Variants in ATP8A2 observed in about 807,000 individuals in gnomAD.
ATP8A2 encodes phospholipid-transporting ATPase IB.
Under a neutral mutation model 165.6 loss-of-function variants are expected in ATP8A2, and 100 were observed. The ratio of observed to expected loss-of-function variants is 0.60; its 90% CI spans 0.51 to 0.71. The LOEUF is 0.71. Among genes scored for constraint, ATP8A2 ranks in the 30% least tolerant of loss-of-function variants. The probability of loss-of-function intolerance (pLI) is 0.00; values close to 1 mark genes in which losing one functional copy is unlikely to be tolerated. For synonymous variants in ATP8A2, 543 were observed against 548.8 expected, an observed-to-expected ratio of 0.99 and a Z score of 0.15; for missense variants, 1,227 against 1,479.5, an observed-to-expected ratio of 0.83 and a Z score of 2.80.
intron 34 of ATP8A2, among the ~76,000 whole-genome samples, chr13:25,962,773 CAG>C (rs1955687265): frequency 6.6e-6 from 1 of 152,174 alleles, no homozygotes; most frequent in African/African-American, 2.4e-5. Context: ...CTCCCACACT[CAG>C]AATTTTTCTT....
intron 33 of ATP8A2, among the ~76,000 whole-genome samples, chr13:25,867,119 A>G (rs1304443079): frequency 6.7e-6 from 1 of 149,550 alleles, no homozygotes; most frequent in African/African-American, 2.5e-5. Context: ...GACTCCAGCC[A>G]GTTTCTGGAC....
chr13:25,645,092 T>C (rs1423829614), intron 24 of ATP8A2, among the ~76,000 whole-genome samples: 2 of 152,196 alleles, frequency 1.3e-5, no homozygotes, highest in African/African-American at 4.8e-5. Flanking sequence ...ATGCTGTTGA[T>C]AAAGCACACC....
chr13:25,422,553 A>C (rs1253678607), intron 1 of ATP8A2, among the ~76,000 whole-genome samples: 2 of 152,238 alleles, frequency 1.3e-5, no homozygotes, highest in South Asian at 4.1e-4. Flanking sequence ...ATATATTGTC[A>C]TAAGAAACTC....
At chr13:25,736,144 A>T (rs1184650546) in intron 25 of ATP8A2, among the ~76,000 whole-genome samples, 1 of 152,212 alleles carries the variant, frequency 6.6e-6, no homozygotes, top group Non-Finnish European at 1.5e-5. Context: ...GGTGTGTAGT[A>T]GGTTATACCA....
intron 33 of ATP8A2, among the ~76,000 whole-genome samples, chr13:25,952,761 C>T (rs1446696722): frequency 2.6e-5 from 4 of 152,158 alleles, no homozygotes; most frequent in Non-Finnish European, 4.4e-5. Flanking sequence ...TGGGTGAGCT[C>T]AGCACACCTG....
intron 4 of ATP8A2, among the ~76,000 whole-genome samples, chr13:25,531,740 C>T (rs1030898008): frequency 4.6e-5 from 7 of 152,074 alleles, no homozygotes; most frequent in African/African-American, 1.7e-4. Flanking sequence ...ATTATAAACA[C>T]TGTATGAAGT....
chr13:25,525,485 ATG>A (rs1593460010), intron 2 of ATP8A2, among the ~76,000 whole-genome samples: 1 of 152,152 alleles, frequency 6.6e-6, no homozygotes, highest in East Asian at 1.9e-4. Flanking sequence ...TTCTTGTAAG[ATG>A]GATCTGGTGA....
intron 13 of ATP8A2, among the ~76,000 whole-genome samples, chr13:25,556,890 C>T (rs2138088590): frequency 6.6e-6 from 1 of 152,268 alleles, no homozygotes; most frequent in East Asian, 1.9e-4. Context: ...GTTGCATCTC[C>T]CCTGCTCCTC....
At chr13:25,712,944 G>A (rs1397834320) in intron 25 of ATP8A2, among the ~76,000 whole-genome samples, 1 of 152,106 alleles carries the variant, frequency 6.6e-6, no homozygotes, top group Non-Finnish European at 1.5e-5. Flanking sequence ...TTTGATAAAA[G>A]CAAAAGTAAG....
chr13:25,578,790 G>A, intron 20 of ATP8A2, 25 bp from the exon 21 acceptor site: 1 of 1,360,280 alleles, frequency 7.4e-7, no homozygotes, highest in Non-Finnish European at 1.1e-6. Flanking sequence ...GGCTTTGCCA[G>A]TCACAATGTT....
chr13:25,477,852 G>A (rs1209031567), intron 2 of ATP8A2, among the ~76,000 whole-genome samples: 1 of 152,142 alleles, frequency 6.6e-6, no homozygotes, highest in South Asian at 2.1e-4. Flanking sequence ...CTGGAGAATC[G>A]CTTGAACCCG....
chr13:25,879,153 T>G (rs1952901676), intron 33 of ATP8A2, among the ~76,000 whole-genome samples: 1 of 152,234 alleles, frequency 6.6e-6, no homozygotes, highest in Non-Finnish European at 1.5e-5. Flanking sequence ...CTTCTTTTGT[T>G]GTGGTTTATT....
chr13:25,930,854 G>T (rs1438647534), intron 33 of ATP8A2, among the ~76,000 whole-genome samples: 1 of 152,122 alleles, frequency 6.6e-6, no homozygotes, highest in African/African-American at 2.4e-5. Context: ...GACCTGTCAC[G>T]CCTCCTCCAC....
intron 33 of ATP8A2, among the ~76,000 whole-genome samples, chr13:25,892,462 C>A (rs758687666): frequency 5.4e-5 from 8 of 148,244 alleles, no homozygotes; most frequent in Non-Finnish European, 1.0e-4. Flanking sequence ...ACATTTCTCT[C>A]TCTCTCTGTC....
At chr13:25,404,762 G>A (rs144295652) in intron 1 of ATP8A2, among the ~76,000 whole-genome samples, 34 of 152,156 alleles carry the variant, frequency 2.2e-4, no homozygotes, top group Non-Finnish European at 4.3e-4. Flanking sequence ...GGGAGGGCAG[G>A]TGTCCAGCAG....
At chr13:25,892,807 T>G (rs531571815) in intron 33 of ATP8A2, among the ~76,000 whole-genome samples, 140 of 84,980 alleles carry the variant, frequency 1.6e-3, no homozygotes, top group African/African-American at 7.1e-3. Flanking sequence ...TTTTAGTCTG[T>G]TTTTTTTTTT....
At chr13:25,494,147 C>T (rs2036605258) in intron 2 of ATP8A2, among the ~76,000 whole-genome samples, 2 of 152,024 alleles carry the variant, frequency 1.3e-5, no homozygotes, top group South Asian at 4.1e-4. Flanking sequence ...TGTCCAAGGT[C>T]TGTGGCACCA....
intron 2 of ATP8A2, among the ~76,000 whole-genome samples, chr13:25,470,624 A>G (rs2035816700): frequency 6.6e-6 from 1 of 152,188 alleles, no homozygotes; most frequent in Non-Finnish European, 1.5e-5. Context: ...GCCCGAGAGA[A>G]ATGAAAACCT....
chr13:25,885,000 T>TC (rs1024477711), intron 33 of ATP8A2, among the ~76,000 whole-genome samples: 6 of 152,254 alleles, frequency 3.9e-5, no homozygotes, highest in African/African-American at 1.4e-4. Flanking sequence ...GCCTTCCTGT[T>TC]ACTTTGTGGC....
Sources: allele counts gnomAD v4.1 joint callset (sites outside exome capture counted in the v4.1 genomes callset), GRCh38; gene constraint gnomAD v4.1.1; transcripts MANE v1.5; gene names NCBI Gene and HGNC (gene_info 2026-07-23, HGNC 2026-07-21).